The following CAST variants were observed in gnomAD, a reference collection of about 807,000 sequenced individuals.
CAST encodes the protein calpastatin.
A neutral mutation model predicts 119.6 loss-of-function variants in CAST; 76 were observed. The observed-to-expected ratio is 0.64, with a 90% CI of 0.53 to 0.77. CAST has a LOEUF of 0.77. Ranked by LOEUF, CAST falls within the 30% of genes least tolerant of loss-of-function variation. CAST has a pLI of 0.00. For synonymous variants in CAST, 319 were observed against 331.6 expected (o/e 0.96, Z 0.41); for missense variants, 953 against 946.5 (o/e 1.01, Z -0.09).
the CAST span, among the ~76,000 whole-genome samples, chr5:96,189,083 C>A: frequency 2.6e-5 from 4 of 152,132 alleles, no homozygotes; most frequent in Non-Finnish European, 5.9e-5. Flanking sequence ...CTTCTCATAG[C>A]CTGCTGATTT....
the CAST span, among the ~76,000 whole-genome samples, chr5:96,345,480 T>C: frequency 6.6e-6 from 1 of 152,220 alleles, no homozygotes; most frequent in Non-Finnish European, 1.5e-5. Context: ...ATCTGTCCTT[T>C]CACTTTCTAC....
the CAST span, among the ~76,000 whole-genome samples, chr5:96,144,296 TTATAACATGACTACTGAC>T: frequency 6.6e-6 from 1 of 152,200 alleles, no homozygotes; most frequent in Non-Finnish European, 1.5e-5. Flanking sequence ...ACCCATCTTG[TTATAACATGACTACTGAC>T]TCCATTCTTT....
Position 96,737,892 on chromosome 5 carries a change from GAGGACCTGAAGA to G in CAST, c.745_756del (p.Gly249_Glu252del). On this transcript the variant is annotated inframe_deletion, in exon 11 of 32. Coordinates refer to ENST00000675179, the MANE Select transcript of CAST (RefSeq NM_001750.7). ...TTGGATGACTTAATAGATACTTTAG[GAGGACCTGAAGA>G]AACTGAAGAAGAAAATACAACGTAT... 1 of 1,609,200 alleles carries G rather than the reference GAGGACCTGAAGA, an allele frequency of 6.2e-7. No individual in the cohort carries two copies. The highest frequency in any genetic ancestry group is 8.5e-7 in the Non-Finnish European group (1 of 1,175,710).
At chr5:96,094,341 C>T in the CAST span, among the ~76,000 whole-genome samples, 1 of 151,958 alleles carries the variant, frequency 6.6e-6, no homozygotes, top group Non-Finnish European at 1.5e-5. Context: ...ACTAAGGGAG[C>T]CAGTAATACT....
chr5:96,542,184 C>T (rs6896493), intron 1 of CAST, among the ~76,000 whole-genome samples: 4,039 of 152,060 alleles, frequency 0.027, 183 homozygotes, highest in African/African-American at 0.092. Flanking sequence ...GTGGCGGGTG[C>T]CTGTAGTCCC....
chr5:96,143,183 A>G, the CAST span, among the ~76,000 whole-genome samples: 3 of 152,272 alleles, frequency 2.0e-5, no homozygotes. Flanking sequence ...AACAATATTT[A>G]TAAGAGGATG....
chr5:96,318,249 C>T, the CAST span, among the ~76,000 whole-genome samples: 1 of 152,222 alleles, frequency 6.6e-6, no homozygotes, highest in African/African-American at 2.4e-5. Context: ...TCTGGACACC[C>T]AGCAAGTTGC....
At chr5:96,687,146 T>C (rs1035025056) in intron 2 of CAST, among the ~76,000 whole-genome samples, 1 of 152,190 alleles carries the variant, frequency 6.6e-6, no homozygotes, top group East Asian at 1.9e-4. Context: ...CCTATAGGAT[T>C]CTTGCTTAAG....
chr5:96,160,019 A>T, the CAST span, among the ~76,000 whole-genome samples: 1 of 151,942 alleles, frequency 6.6e-6, no homozygotes, highest in African/African-American at 2.4e-5. Flanking sequence ...ATGCACCTGT[A>T]ATCCAAGCTA....
At chr5:96,028,772 C>T in the CAST span, among the ~76,000 whole-genome samples, 6 of 151,864 alleles carry the variant, frequency 4.0e-5, no homozygotes, top group African/African-American at 9.7e-5. Flanking sequence ...AAAAAGCTGA[C>T]GTTAATGAAT....
chr5:96,071,582 T>C, the CAST span, among the ~76,000 whole-genome samples: 5 of 152,168 alleles, frequency 3.3e-5, no homozygotes, highest in Non-Finnish European at 7.4e-5. Flanking sequence ...AGGCCTATTG[T>C]TCTTAATCTT....
the CAST span, among the ~76,000 whole-genome samples, chr5:96,415,460 C>G: frequency 6.6e-6 from 1 of 152,202 alleles, no homozygotes; most frequent in Non-Finnish European, 1.5e-5. Flanking sequence ...TTGGTTTTCT[C>G]TAATTCTTGT....
intron 1 of CAST, among the ~76,000 whole-genome samples, chr5:96,558,728 C>T (rs1290609376): frequency 2.6e-5 from 4 of 152,114 alleles, no homozygotes; most frequent in African/African-American, 9.7e-5. Flanking sequence ...AGCTTACCAA[C>T]CAAAAAAGTC....
At chr5:96,688,746 C>A (rs1364263708) in intron 2 of CAST, among the ~76,000 whole-genome samples, 1 of 152,104 alleles carries the variant, frequency 6.6e-6, no homozygotes, top group Non-Finnish European at 1.5e-5. Flanking sequence ...ATTATTTCTT[C>A]TTCCTACTTT....
At chr5:96,240,207 TA>T in the CAST span, among the ~76,000 whole-genome samples, 1 of 152,250 alleles carries the variant, frequency 6.6e-6, no homozygotes, top group Non-Finnish European at 1.5e-5. Flanking sequence ...CTATGCTTGA[TA>T]TCTATCCACA....
chr5:96,767,582 T>C, intron 28 of CAST, 100 bp downstream of exon 28: 2 of 816,322 alleles, frequency 2.5e-6, no homozygotes, highest in East Asian at 2.5e-5. Context: ...ATGCCTACTC[T>C]GTGCCTGGTA....
At chr5:96,618,795 C>T (rs375541131) in intron 1 of CAST, among the ~76,000 whole-genome samples, 28 of 152,216 alleles carry the variant, frequency 1.8e-4, no homozygotes, top group Non-Finnish European at 3.1e-4. Flanking sequence ...GAGCCTCCCC[C>T]ACCCCGTGGG....
the CAST span, among the ~76,000 whole-genome samples, chr5:95,965,707 G>A: frequency 6.6e-6 from 1 of 152,150 alleles, no homozygotes; most frequent in Non-Finnish European, 1.5e-5. Context: ...GCCCAGCCAT[G>A]TACTAAAATC....
chr5:96,177,517 T>C, the CAST span, among the ~76,000 whole-genome samples: 1 of 152,154 alleles, frequency 6.6e-6, no homozygotes. Context: ...TCACTTTTGC[T>C]CATATAGCAA....
Sources: gnomAD v4.1 joint callset for allele counts (sites outside exome capture counted in the v4.1 genomes callset) on GRCh38, gnomAD v4.1.1 for gene constraint, MANE v1.5 for transcripts, NCBI Gene and HGNC (gene_info 2026-07-23, HGNC 2026-07-21) for gene names.